The following CD163 variants were observed in gnomAD, a reference collection of about 807,000 sequenced individuals.
CD163 encodes the protein scavenger receptor cysteine-rich type 1 protein M130.
Under a neutral mutation model 129.2 loss-of-function variants are expected in CD163, and 64 were observed. The observed-to-expected ratio is 0.50, with a 90% CI of 0.41 to 0.61. CD163 has a LOEUF of 0.61. CD163 is among the 20% of genes least tolerant of loss of function. The pLI is 0.00. For synonymous variants in CD163, 446 were observed against 478.5 expected (o/e 0.93, Z 0.89); for missense variants, 1,061 against 1,377.9 (o/e 0.77, Z 3.64).
intron 16 of CD163, among the ~76,000 whole-genome samples, chr12:7,472,135 C>T (rs560135591): frequency 2.6e-5 from 4 of 152,182 alleles, no homozygotes; most frequent in Admixed American, 6.5e-5. Context: ...GCAGCTTCAG[C>T]GCACTTAAAC....
chr12:7,500,238 T>C (rs2136742962), intron 3 of CD163, among the ~76,000 whole-genome samples: 1 of 151,550 alleles, frequency 6.6e-6, no homozygotes, highest in Non-Finnish European at 1.5e-5. Flanking sequence ...CTGGCCAATA[T>C]GGTGAAACCC....
At chr12:7,481,106 A>G (rs1949155765) in intron 15 of CD163, 55 bp downstream of exon 15, 4 of 1,584,446 alleles carry the variant, frequency 2.5e-6, no homozygotes, top group Admixed American at 3.6e-5. Flanking sequence ...CTGTGCCTCA[A>G]CTGCAGCCAC....
rs1397520939 is a variant in CD163, at chr12:7,487,710, G to A, written c.1736-37C>T. On this transcript the variant is annotated intron_variant, in intron 7 of 16. Transcript: ENST00000432237. The surrounding 1 kb of genome is among the most constrained non-coding windows in gnomAD (Gnocchi z 5.1). ...CAGGGCTTTAGAAAAAGACAGCTAT[G>A]ACTCCCTAACCCTGTCCCTTTCACA... 1 of 1,613,930 alleles carries A rather than the reference G, an allele frequency of 6.2e-7. No individual in the cohort carries two copies.
At chr12:7,492,678 T>C (rs1221901866) in intron 6 of CD163, among the ~76,000 whole-genome samples, 1 of 152,120 alleles carries the variant, frequency 6.6e-6, no homozygotes, top group Non-Finnish European at 1.5e-5. Context: ...GCAGTCAGAA[T>C]GCAAGCAGAA....
Position 7,501,224 on chromosome 12 carries a change from C to T in CD163, c.372G>A (p.Glu124=). 1.2e-6 allele frequency: 2 copies of T among 1,614,236 alleles called. No homozygotes were observed. Among genetic ancestry groups the T allele is most frequent in the Non-Finnish European group, 1.7e-6 (2 of 1,180,042 alleles). The change falls in exon 3 of 17, where the codon GAG becomes GAA. Residue 124 remains glutamate (E), a synonymous_variant. Transcript: ENST00000432237. ...CATGTTTGCAATCCCAAAGAGCTGA[C>T]TCATTCCCACGACAAGAAACATGAT... The part of the protein sequence containing the change: ...WMDHVSCRGN[E]SALWDCKHDG...
intron 13 of CD163, 88 bp downstream of exon 13, chr12:7,482,878 C>A: frequency 6.3e-7 from 1 of 1,585,622 alleles, no homozygotes; most frequent in Non-Finnish European, 8.6e-7. Context: ...ATATCAAATC[C>A]TCAGAACGTC....
rs147062560 is a variant in CD163, at chr12:7,496,759, G to A, written c.1099+54C>T. 1.0e-3 allele frequency: 1,595 copies of A among 1,523,520 alleles called. 3 individuals are homozygous for A. Among genetic ancestry groups the A allele is most frequent in the Non-Finnish European group, 1.3e-3 (1,392 of 1,100,134 alleles). The allele number at this position is 1,523,520 out of a possible 1,614,324, so 94.4% of individuals were successfully genotyped here. ...ACTCTTAAGGAGCACAGGACTTTCC[G>A]TTTCTGCTTTTCTTTTTGTTTAGTG... On this transcript the variant is annotated intron_variant, in intron 5 of 16. Coordinates refer to ENST00000432237, the MANE Select transcript of CD163 (RefSeq NM_203416.4). The surrounding 1 kb of genome is among the most constrained non-coding windows in gnomAD (Gnocchi z 4.8).
rs1296047216 is a variant in CD163 at position 7,483,127 on chromosome 12, A to G, written c.3089-123T>C. ...AGTATATGACTCTTTCCCACCTAAAACTAGAGTCCTCTAGTCTTTCTTTCT... is the reference window on the plus strand; with the variant it reads ...AGTATATGACTCTTTCCCACCTAAAGCTAGAGTCCTCTAGTCTTTCTTTCT... On this transcript the variant is annotated intron_variant, in intron 12 of 16. Transcript: ENST00000432237. 2.6e-5 allele frequency: 26 copies of G among 1,008,302 alleles called. No individual in the cohort carries two copies. The South Asian group carries it at 3.6e-4, about 14-fold the overall frequency. 62.5% of individuals were successfully genotyped at this position (1,008,302 alleles called of 1,614,324 possible).
intron 4 of CD163, 128 bp downstream of exon 4, chr12:7,498,740 T>G: frequency 3.4e-6 from 3 of 894,242 alleles, no homozygotes; most frequent in Non-Finnish European, 5.1e-6. Context: ...GAACCTGAAG[T>G]TAGGTTAAAA....
At position 7,501,030 on chromosome 12, in the gene CD163, T is replaced by A; in HGVS notation, c.457+109A>T. 3.5e-6 allele frequency: 3 copies of A among 868,186 alleles called. No homozygotes were observed. In the South Asian group the frequency reaches 5.0e-5, roughly 14 times the overall value. 53.8% of individuals were successfully genotyped at this position (868,186 alleles called of 1,614,324 possible). A position where few individuals can be genotyped will look rare whatever the true frequency, so the allele number is the denominator to read the frequency against. ...GCAATGGATGGAGTACTTTTATACA[T>A]GAACTAGATTGCTTACAGGAAAGTG... is the stretch of plus-strand genomic sequence containing the variant. On this transcript the variant is annotated intron_variant, in intron 3 of 16. Transcript: ENST00000432237.
chr12:7,486,564 C>T lies in CD163; in HGVS notation c.2393G>A (p.Cys798Tyr). Residue 798 changes from cysteine to tyrosine, a missense_variant, in exon 10 of 17, where the codon TGC (cysteine) becomes TAC (tyrosine). Coordinates refer to ENST00000432237, the MANE Select transcript of CD163 (RefSeq NM_203416.4). Reference sequence around the variant, plus strand: ...TTGCTGCCCCCAGCCGTGTGAATGGCACTGCCAAATGCGGGATTCTTTTCC... The same window carrying T: ...TTGCTGCCCCCAGCCGTGTGAATGGTACTGCCAAATGCGGGATTCTTTTCC... ...CNGKESRIWQCHSHGWGQQNC... is the reference protein window; with the variant it reads ...CNGKESRIWQYHSHGWGQQNC... The T allele has an allele frequency of 6.2e-7, 1 of 1,614,254 alleles. No individual in the cohort carries two copies. Among genetic ancestry groups the T allele is most frequent in the Non-Finnish European group, 8.5e-7 (1 of 1,180,032 alleles).
At chr12:7,491,458 A>G (rs572368605) in intron 6 of CD163, among the ~76,000 whole-genome samples, 19 of 152,108 alleles carry the variant, frequency 1.2e-4, no homozygotes, top group Non-Finnish European at 2.5e-4. Flanking sequence ...GTGTTTTTAC[A>G]TAAAAACCAT....
intron 4 of CD163, among the ~76,000 whole-genome samples, chr12:7,497,684 A>G (rs144374675): frequency 3.3e-5 from 5 of 152,308 alleles, no homozygotes; most frequent in African/African-American, 4.8e-5. Flanking sequence ...ACAGACGTTG[A>G]TTCTGAAGAA....
At chr12:7,499,243 T>G in intron 3 of CD163, 55 bp from the exon 4 acceptor site, 2 of 1,484,832 alleles carry the variant, frequency 1.3e-6, no homozygotes, top group Admixed American at 4.1e-5. Context: ...GAAGTGATTT[T>G]AGAAAAGAAG....
intron 13 of CD163, 33 bp from the exon 14 acceptor site, chr12:7,482,795 AT>A: frequency 6.2e-7 from 1 of 1,611,308 alleles, no homozygotes; most frequent in Non-Finnish European, 8.5e-7. Flanking sequence ...AGATATGATC[AT>A]GTCTTATCGA....
At chr12:7,480,050 C>T in intron 15 of CD163, 137 bp from the exon 16 acceptor site, 1 of 1,540,078 alleles carries the variant, frequency 6.5e-7, no homozygotes, top group Non-Finnish European at 8.7e-7. Flanking sequence ...TCTCACGTAA[C>T]TGTGAGGCTC....
At position 7,496,887 on chromosome 12, in the gene CD163, A is replaced by T; in HGVS notation, c.1025T>A (p.Ile342Asn). 5 of 1,614,060 alleles carry T rather than the reference A, an allele frequency of 3.1e-6. No homozygotes were observed. Among genetic ancestry groups the T allele is most frequent in the Non-Finnish European group, 4.2e-6 (5 of 1,179,940 alleles). ...SVSCQGHEPA[I>N]WQCKHHEWGK... ...CCATTCATGGTGTTTACATTGCCAG[A>T]TAGCAGGTTCATGTCCCTGGCAAGA... Residue 342 changes from isoleucine (I) to asparagine (N), a missense_variant, in exon 5 of 17, where the codon ATC becomes AAC. Coordinates refer to ENST00000432237, the MANE Select transcript of CD163 (RefSeq NM_203416.4). The surrounding 1 kb of genome is among the most constrained non-coding windows in gnomAD (Gnocchi z 4.8).
intron 1 of CD163, 33 bp from the exon 2 acceptor site, chr12:7,502,597 C>T: frequency 8.8e-7 from 1 of 1,141,412 alleles, no homozygotes; most frequent in Non-Finnish European, 1.3e-6. Flanking sequence ...AAAGTAGCAT[C>T]TTCCCAAAAA....
chr12:7,502,339 A>G (rs1949502294), intron 2 of CD163, 139 bp downstream of exon 2: 2 of 717,858 alleles, frequency 2.8e-6, no homozygotes, highest in African/African-American at 1.8e-5. Flanking sequence ...TGTGCTTTTA[A>G]TAATATCTGA....
Sources: gnomAD v4.1 joint callset for allele counts (sites outside exome capture counted in the v4.1 genomes callset) on GRCh38, gnomAD v4.1.1 for gene constraint, Gnocchi (gnomAD v3.1) non-coding constraint, MANE v1.5 for transcripts, NCBI Gene and HGNC (gene_info 2026-07-23, HGNC 2026-07-21) for gene names.